MAN1A2: variants seen among roughly 807,000 people sequenced by gnomAD.
MAN1A2 encodes mannosidase alpha class 1A member 2.
MAN1A2 carries 26 observed loss-of-function variants against 75.7 expected under a neutral mutation model. That is an observed-to-expected ratio of 0.34 (90% CI 0.25 to 0.48). The LOEUF is 0.48. MAN1A2 is among the 20% of genes least tolerant of loss of function. MAN1A2 has a pLI of 0.99. For synonymous variants in MAN1A2, 247 were observed against 264.6 expected (o/e 0.93, Z 0.65); for missense variants, 562 against 775.5 (o/e 0.72, Z 3.27).
Position 117,474,030 on chromosome 1 carries a change from A to G in MAN1A2, c.1168+7603A>G, listed in dbSNP as rs141622731. 3.8e-3 allele frequency among the ~76,000 whole-genome samples: 581 copies of G among 152,104 alleles called. 6 individuals carry two copies. The highest frequency in any genetic ancestry group is 0.013 in the African/African-American group (553 of 41,544). The stretch of plus-strand genomic sequence containing the variant: ...TGGTGAAAACGGTAAATTTGGAGGT[A>G]ATAGTAAAACAGACTGACAGCTGGG... On this transcript the variant is annotated intron_variant, in intron 8 of 12. Coordinates refer to ENST00000356554, the MANE Select transcript of MAN1A2 (RefSeq NM_006699.5).
chr1:117,371,259 T>C (rs1307515247), intron 1 of MAN1A2, among the ~76,000 whole-genome samples: 2 of 152,222 alleles, frequency 1.3e-5, no homozygotes, highest in Non-Finnish European at 2.9e-5. Flanking sequence ...TAGGATCTTA[T>C]TGTCTAAAGG....
intron 2 of MAN1A2, among the ~76,000 whole-genome samples, chr1:117,405,227 T>C (rs547070225): frequency 5.8e-4 from 89 of 152,262 alleles, no homozygotes; most frequent in Non-Finnish European, 1.1e-3. Flanking sequence ...AGCCTCTTGA[T>C]TGACAGCTCT....
chr1:117,417,393 C>T (rs940929178), intron 4 of MAN1A2, among the ~76,000 whole-genome samples: 2 of 151,026 alleles, frequency 1.3e-5, no homozygotes, highest in Non-Finnish European at 3.0e-5. Flanking sequence ...GTTTTGCTAC[C>T]TATATTATGA....
chr1:117,491,624 T>C (rs1650885427), intron 8 of MAN1A2, among the ~76,000 whole-genome samples: 1 of 152,112 alleles, frequency 6.6e-6, no homozygotes, highest in African/African-American at 2.4e-5. Context: ...CTCTCAAGTC[T>C]TATTTAAGGA....
At chr1:117,468,395 G>A (rs757892580) in intron 8 of MAN1A2, among the ~76,000 whole-genome samples, 11 of 152,040 alleles carry the variant, frequency 7.2e-5, no homozygotes, top group Non-Finnish European at 1.5e-4. Flanking sequence ...AATTTTCAGA[G>A]CTATATATTA....
chr1:117,458,152 T>C (rs1649662521), intron 6 of MAN1A2, among the ~76,000 whole-genome samples: 1 of 152,178 alleles, frequency 6.6e-6, no homozygotes, highest in African/African-American at 2.4e-5. Context: ...ACTATCACTA[T>C]TTAAAATGAT....
intron 5 of MAN1A2, among the ~76,000 whole-genome samples, chr1:117,428,065 C>CTT (rs1362945041): frequency 6.6e-6 from 1 of 150,768 alleles, no homozygotes; most frequent in Non-Finnish European, 1.5e-5. Flanking sequence ...ACACGTATAG[C>CTT]TTAACCACCA....
chr1:117,522,692 G>T, intron 12 of MAN1A2, 133 bp from the exon 13 acceptor site: 1 of 745,536 alleles, frequency 1.3e-6, no homozygotes, highest in Non-Finnish European at 2.2e-6. Context: ...GGTGTCTGAG[G>T]TTTATTTCTT....
chr1:117,519,310 T>C (rs1482015269), intron 12 of MAN1A2, among the ~76,000 whole-genome samples: 1 of 151,622 alleles, frequency 6.6e-6, no homozygotes, highest in African/African-American at 2.4e-5. Context: ...TACTCAAACC[T>C]AGCAGAAGAA....
At chr1:117,459,411 G>A (rs1006604547) in intron 6 of MAN1A2, among the ~76,000 whole-genome samples, 5 of 152,102 alleles carry the variant, frequency 3.3e-5, no homozygotes, top group Non-Finnish European at 7.3e-5. Context: ...ATGCTAGTGG[G>A]GAAACAGAGG....
chr1:117,368,572 A>T, intron 1 of MAN1A2, 87 bp downstream of exon 1: 1 of 1,245,400 alleles, frequency 8.0e-7, no homozygotes, highest in Non-Finnish European at 1.1e-6. Context: ...TTTTTCTTGC[A>T]GTAAAATGTA....
At chr1:117,388,163 C>T (rs1653601885) in intron 1 of MAN1A2, among the ~76,000 whole-genome samples, 1 of 148,928 alleles carries the variant, frequency 6.7e-6, no homozygotes, top group Admixed American at 6.7e-5. Flanking sequence ...TTTGGAGAGG[C>T]CGGACAGAAA....
intron 5 of MAN1A2, among the ~76,000 whole-genome samples, chr1:117,423,945 C>G (rs12117443): frequency 6.7e-6 from 1 of 149,256 alleles, no homozygotes; most frequent in Non-Finnish European, 1.5e-5. Context: ...TGCAATGGCG[C>G]GATCACAGCT....
At chr1:117,522,519 G>A (rs1651895360) in intron 12 of MAN1A2, among the ~76,000 whole-genome samples, 1 of 151,770 alleles carries the variant, frequency 6.6e-6, no homozygotes, top group East Asian at 1.9e-4. Context: ...AACTGAATGT[G>A]TTGCTCTTAA....
intron 5 of MAN1A2, among the ~76,000 whole-genome samples, chr1:117,429,437 C>CA (rs1648502397): frequency 1.1e-5 from 1 of 90,072 alleles, no homozygotes; most frequent in South Asian, 3.7e-4. Flanking sequence ...GGGGGGCTGA[C>CA]CCCCCCCACC....
At chr1:117,401,703 G>A (rs1039892192) in intron 1 of MAN1A2, among the ~76,000 whole-genome samples, 5 of 152,074 alleles carry the variant, frequency 3.3e-5, no homozygotes, top group African/African-American at 1.2e-4. Flanking sequence ...ACATCTGTTG[G>A]GAATGTTACA....
chr1:117,389,493 A>C (rs1653649126), intron 1 of MAN1A2, among the ~76,000 whole-genome samples: 1 of 152,134 alleles, frequency 6.6e-6, no homozygotes, highest in South Asian at 2.1e-4. Flanking sequence ...GCTTGCTTGC[A>C]CAGCTCACCT....
chr1:117,466,130 A>G (rs1429898797), intron 7 of MAN1A2, among the ~76,000 whole-genome samples: 1 of 152,118 alleles, frequency 6.6e-6, no homozygotes, highest in Non-Finnish European at 1.5e-5. Flanking sequence ...TTGATTTTAA[A>G]ATAATGAACA....
chr1:117,418,949 T>G (rs2101777898), intron 4 of MAN1A2, among the ~76,000 whole-genome samples: 1 of 152,246 alleles, frequency 6.6e-6, no homozygotes, highest in South Asian at 2.1e-4. Flanking sequence ...TGACATTTAT[T>G]CAGAGACCTA....
Sources: allele counts gnomAD v4.1 joint callset (sites outside exome capture counted in the v4.1 genomes callset), GRCh38; gene constraint gnomAD v4.1.1; transcripts MANE v1.5; gene names NCBI Gene and HGNC (gene_info 2026-07-23, HGNC 2026-07-21).